SAP30: variants seen among roughly 807,000 people sequenced by gnomAD.
SAP30 encodes the protein histone deacetylase complex subunit SAP30.
In SAP30, 13 loss-of-function variants were observed where a neutral mutation model predicts 19.6. The ratio of observed to expected loss-of-function variants is 0.66; its 90% CI spans 0.43 to 1.05. The LOEUF (loss-of-function observed/expected upper bound fraction) is 1.05. Ranked by LOEUF, SAP30 falls within the 50% of genes least tolerant of loss-of-function variation. The pLI, the probability that SAP30 is intolerant of heterozygous loss-of-function variation, is 0.00. For synonymous variants in SAP30, 108 were observed against 122.7 expected (o/e 0.88, Z 0.79); for missense variants, 257 against 292.1 (o/e 0.88, Z 0.88).
intron 3 of SAP30, among the ~76,000 whole-genome samples, chr4:173,376,025 C>G (rs1424041432): frequency 6.6e-6 from 1 of 152,182 alleles, no homozygotes; most frequent in African/African-American, 2.4e-5. Flanking sequence ...CCGCCACCCT[C>G]AATCTGTGCA....
Position 173,373,342 on chromosome 4 carries a change from C to T in SAP30, c.316-48C>T, listed in dbSNP as rs754425974. On this transcript the variant is annotated intron_variant, in intron 1 of 3. Coordinates refer to ENST00000296504, the MANE Select transcript of SAP30 (RefSeq NM_003864.4). ...CATATGTGTTTTACTAATACATAGACACATTTTACTGTAATCATAAGCAGT... is the reference window on the plus strand; with the variant it reads ...CATATGTGTTTTACTAATACATAGATACATTTTACTGTAATCATAAGCAGT... 3.9e-6 allele frequency: 6 copies of T among 1,527,836 alleles called. No individual in the cohort carries two copies. In the Admixed American group the frequency reaches 8.2e-5, roughly 21 times the overall value. 94.6% of individuals were successfully genotyped at this position (1,527,836 alleles called of 1,614,324 possible).
Position 173,371,163 on chromosome 4 carries a change from GGCC to G in SAP30, c.-19_-17del, listed in dbSNP as rs1738919705. 1.3e-6 allele frequency: 2 copies of G among 1,481,856 alleles called. No homozygotes were observed. The highest frequency in any genetic ancestry group is 1.8e-6 in the Non-Finnish European group (2 of 1,122,624). The allele number at this position is 1,481,856 out of a possible 1,614,324, so 91.8% of individuals were successfully genotyped here. A position where few individuals can be genotyped will look rare whatever the true frequency, so the allele number is the denominator to read the frequency against. On this transcript the variant is annotated 5_prime_UTR_variant, in exon 1 of 4. Transcript: ENST00000296504. This position sits in a 1 kb window ranked among gnomAD's most constrained non-coding sequence, Gnocchi z 6.4. Reference sequence around the variant, plus strand: ...GAGAGAGGGGATTTCTGTCAGCGCCGGCCTCGGGAGCTCGGAGACATGAACGGC... The same window carrying G: ...GAGAGAGGGGATTTCTGTCAGCGCCGTCGGGAGCTCGGAGACATGAACGGC...
Position 173,371,520 on chromosome 4 carries a change from C to T in SAP30, c.315+23C>T, listed in dbSNP as rs1302735075. ...AGCGTAAGTAAACCGCGGGACCGCC[C>T]TGCCCTCCCGCCCCTCGGTGGGGCC... On this transcript the variant is annotated intron_variant, in intron 1 of 3. Transcript: ENST00000296504. This position sits in a 1 kb window ranked among gnomAD's most constrained non-coding sequence, Gnocchi z 6.4. 1.7e-5 allele frequency: 26 copies of T among 1,574,136 alleles called. No homozygotes were observed. Among genetic ancestry groups the T allele is most frequent in the African/African-American group, 2.7e-5 (2 of 73,644 alleles).
At position 173,373,505 on chromosome 4, in the gene SAP30, A is replaced by G; in HGVS notation, c.431A>G (p.Asp144Gly). The G allele has an allele frequency of 6.2e-7, 1 of 1,606,568 alleles. No homozygotes were observed. ...GGTGATTCACCTGTTCAAGATATTG[A>G]TACCCCAGAGGTAGATGGAAGTTTT... is the stretch of plus-strand genomic sequence containing the variant. ...DGGDSPVQDI[D>G]TPEVDLYQLQ... is the part of the protein sequence containing the mutation. Residue 144 changes from aspartate to glycine, a missense_variant, in exon 2 of 4, where the codon GAT (aspartate) becomes GGT (glycine). Asp to Gly is a moderately conservative substitution (Grantham distance 94). Coordinates refer to ENST00000296504, the MANE Select transcript of SAP30 (RefSeq NM_003864.4).
rs1369971914 is a variant in SAP30, at chr4:173,371,965, A to T, written c.315+468A>T. On this transcript the variant is annotated intron_variant, in intron 1 of 3. Coordinates refer to ENST00000296504, the MANE Select transcript of SAP30 (RefSeq NM_003864.4). This position sits in a 1 kb window ranked among gnomAD's most constrained non-coding sequence, Gnocchi z 6.4. ...AGCGGAGGACCTTCACGAACAAGGA[A>T]GATCCTGTTCTTTTCTGTGTTCCGT... Among the ~76,000 whole-genome samples, 1 of 152,186 alleles carries T rather than the reference A, an allele frequency of 6.6e-6. No homozygotes were observed. The highest frequency in any genetic ancestry group is 2.4e-5 in the African/African-American group (1 of 41,420).
Position 173,371,024 on chromosome 4 carries a change from G to T in SAP30, c.-159G>T. 3.9e-6 allele frequency: 3 copies of T among 768,542 alleles called. No individual in the cohort carries two copies. Among genetic ancestry groups the T allele is most frequent in the Non-Finnish European group, 5.4e-6 (3 of 559,376 alleles). The allele number at this position is 768,542 out of a possible 1,614,324, so 47.6% of individuals were successfully genotyped here. A position where few individuals can be genotyped will look rare whatever the true frequency, so the allele number is the denominator to read the frequency against. On this transcript the variant is annotated 5_prime_UTR_variant, in exon 1 of 4. Coordinates refer to ENST00000296504, the MANE Select transcript of SAP30 (RefSeq NM_003864.4). The surrounding 1 kb of genome is among the most constrained non-coding windows in gnomAD (Gnocchi z 6.4). ...GGCCCTCAGCACTGTCCACTGTTTCGGTGCCAGCAGAGACCAGCAGGCCCG... is the reference window on the plus strand; with the variant it reads ...GGCCCTCAGCACTGTCCACTGTTTCTGTGCCAGCAGAGACCAGCAGGCCCG...
intron 3 of SAP30, among the ~76,000 whole-genome samples, chr4:173,375,764 A>G (rs556801414): frequency 4.6e-5 from 7 of 152,170 alleles, no homozygotes; most frequent in African/African-American, 1.4e-4. Flanking sequence ...GGGGTCCCCA[A>G]CCCCAGGGCC....
chr4:173,377,157 C>G (rs899042648), intron 3 of SAP30, 48 bp from the exon 4 acceptor site: 1 of 1,411,936 alleles, frequency 7.1e-7, no homozygotes, highest in Non-Finnish European at 9.6e-7. Context: ...GTTTATGAAA[C>G]CTGTTATATC....
At chr4:173,376,201 C>A (rs1739035256) in intron 3 of SAP30, among the ~76,000 whole-genome samples, 1 of 152,182 alleles carries the variant, frequency 6.6e-6, no homozygotes, top group African/African-American at 2.4e-5. Flanking sequence ...TGCATGTCAG[C>A]ACCCCAGGTA....
intron 2 of SAP30, 65 bp downstream of exon 2, chr4:173,373,580 A>C (rs1738987659): frequency 7.0e-7 from 1 of 1,419,602 alleles, no homozygotes; most frequent in Admixed American, 2.5e-5. Flanking sequence ...CTTTATAAAA[A>C]GATATGAACA....
At chr4:173,373,322 G>A in intron 1 of SAP30, 68 bp from the exon 2 acceptor site, 1 of 1,401,062 alleles carries the variant, frequency 7.1e-7, no homozygotes, top group Non-Finnish European at 9.5e-7. Flanking sequence ...TGTGGCATAT[G>A]TGTTTTACTA....
rs952948740 is a variant in SAP30, at chr4:173,371,323, G to A, written c.141G>A (p.Ala47=). The A allele has an allele frequency of 8.3e-6, 11 of 1,317,784 alleles. 1 individual carries two copies. Among genetic ancestry groups the A allele is most frequent in the Non-Finnish European group, 9.6e-6 (10 of 1,041,292 alleles). The allele number at this position is 1,317,784 out of a possible 1,614,324, so 81.6% of individuals were successfully genotyped here. The change falls in exon 1 of 4, where the codon GCG becomes GCA. Residue 47 remains alanine (A), a synonymous_variant. Transcript: ENST00000296504. The surrounding 1 kb of genome is among the most constrained non-coding windows in gnomAD (Gnocchi z 6.4). ...GAGTGAEVPG[A]GAVSAAGPPG... Reference sequence around the variant, plus strand: ...GCACCGGGGCTGAGGTGCCGGGCGCGGGGGCGGTCTCAGCGGCTGGGCCCC... The same window carrying A: ...GCACCGGGGCTGAGGTGCCGGGCGCAGGGGCGGTCTCAGCGGCTGGGCCCC...
rs555083290 is a variant in SAP30 at position 173,376,762 on chromosome 4, G to A, written c.541-443G>A. Among the ~76,000 whole-genome samples the A allele has an allele frequency of 2.0e-5, 3 of 151,974 alleles. No individual in the cohort carries two copies. In the South Asian group the frequency reaches 6.2e-4, roughly 32 times the overall value. ...GCCTTCTGAGTAGCTAGGATTACAG[G>A]TGTACACCACCAGGCCTATCTAATT... On this transcript the variant is annotated intron_variant, in intron 3 of 3. Coordinates refer to ENST00000296504, the MANE Select transcript of SAP30 (RefSeq NM_003864.4).
At chr4:173,372,514 T>A (rs142437295) in intron 1 of SAP30, among the ~76,000 whole-genome samples, 22 of 152,380 alleles carry the variant, frequency 1.4e-4, no homozygotes, top group African/African-American at 4.8e-4. Flanking sequence ...GATAAATACA[T>A]TGATTTAATA....
At chr4:173,376,147 A>G (rs983357574) in intron 3 of SAP30, among the ~76,000 whole-genome samples, 2 of 152,180 alleles carry the variant, frequency 1.3e-5, no homozygotes, top group African/African-American at 4.8e-5. Context: ...TATTGTGTGG[A>G]TGAACTTTTT....
chr4:173,371,144 G>C lies in SAP30; in HGVS notation c.-39G>C. On this transcript the variant is annotated 5_prime_UTR_variant, in exon 1 of 4. Transcript: ENST00000296504. The surrounding 1 kb of genome is among the most constrained non-coding windows in gnomAD (Gnocchi z 6.4). ...AGAGAGGCGGAGCGGCCAGGAGAGA[G>C]GGGATTTCTGTCAGCGCCGGCCTCG... 1.4e-6 allele frequency: 2 copies of C among 1,454,382 alleles called. No individual in the cohort carries two copies. Among genetic ancestry groups the C allele is most frequent in the Non-Finnish European group, 9.1e-7 (1 of 1,104,612 alleles). The allele number at this position is 1,454,382 out of a possible 1,614,324, so 90.1% of individuals were successfully genotyped here. A position where few individuals can be genotyped will look rare whatever the true frequency, so the allele number is the denominator to read the frequency against.
Position 173,371,285 on chromosome 4 carries a change from G to C in SAP30, c.103G>C (p.Gly35Arg). ...AAAAAASAGNGTGAGTGAEVP... is the reference protein window; with the variant it reads ...AAAAAASAGNRTGAGTGAEVP... ...GGCCGCCGCCGCCTCGGCGGGGAAC[G>C]GGACCGGCGCGGGCACCGGGGCTGA... is the stretch of plus-strand genomic sequence containing the variant. Residue 35 changes from glycine (G) to arginine (R), a missense_variant, in exon 1 of 4, where the codon GGG (glycine) becomes CGG (arginine). Transcript: ENST00000296504. This position sits in a 1 kb window ranked among gnomAD's most constrained non-coding sequence, Gnocchi z 6.4. 5 of 1,233,332 alleles carry C rather than the reference G, an allele frequency of 4.1e-6. No homozygotes were observed. The highest frequency in any genetic ancestry group is 5.0e-6 in the Non-Finnish European group (5 of 992,638). The allele number at this position is 1,233,332 out of a possible 1,614,324, so 76.4% of individuals were successfully genotyped here.
At chr4:173,377,182 C>A in intron 3 of SAP30, 23 bp from the exon 4 acceptor site, 1 of 1,528,856 alleles carries the variant, frequency 6.5e-7, no homozygotes, top group South Asian at 1.3e-5. Flanking sequence ...ATTTAATTTC[C>A]TTAATTTTTC....
chr4:173,371,045 GC>G lies in SAP30; in HGVS notation c.-135del. ...TTTCGGTGCCAGCAGAGACCAGCAGGCCCGGGACAGTTGGTGTTTGGCCGTG... is the reference window on the plus strand; with the variant it reads ...TTTCGGTGCCAGCAGAGACCAGCAGGCCGGGACAGTTGGTGTTTGGCCGTG... On this transcript the variant is annotated 5_prime_UTR_variant, in exon 1 of 4. Coordinates refer to ENST00000296504, the MANE Select transcript of SAP30 (RefSeq NM_003864.4). This position sits in a 1 kb window ranked among gnomAD's most constrained non-coding sequence, Gnocchi z 6.4. The G allele has an allele frequency of 9.9e-7, 1 of 1,010,730 alleles. No individual in the cohort carries two copies. Among genetic ancestry groups the G allele is most frequent in the Non-Finnish European group, 1.3e-6 (1 of 759,612 alleles). 62.6% of individuals were successfully genotyped at this position (1,010,730 alleles called of 1,614,324 possible). A position where few individuals can be genotyped will look rare whatever the true frequency, so the allele number is the denominator to read the frequency against.
Sources: allele counts gnomAD v4.1 joint callset (sites outside exome capture counted in the v4.1 genomes callset), GRCh38; gene constraint gnomAD v4.1.1; non-coding constraint Gnocchi (gnomAD v3.1); transcripts MANE v1.5; gene names NCBI Gene and HGNC (gene_info 2026-07-23, HGNC 2026-07-21).